The following FOXP1 variants were observed in gnomAD, a reference collection of about 807,000 sequenced individuals.
FOXP1 encodes forkhead box protein P1.
A neutral mutation model predicts 98.2 loss-of-function variants in FOXP1; 15 were observed. That is an observed-to-expected ratio of 0.15 (90% CI 0.10 to 0.24). The LOEUF (loss-of-function observed/expected upper bound fraction) is 0.24, where lower values mean the gene tolerates loss of function less well. FOXP1 is among the 10% of genes least tolerant of loss of function. The pLI is 1.00. For synonymous variants in FOXP1, 371 were observed against 314.5 expected (o/e 1.18, Z -1.90); for missense variants, 633 against 848.5 (o/e 0.75, Z 3.15).
chr3:71,542,708 C>T (rs142035333), intron 2 of FOXP1, among the ~76,000 whole-genome samples: 3 of 152,264 alleles, frequency 2.0e-5, no homozygotes, highest in East Asian at 3.9e-4. Context: ...GGCAGGCAGG[C>T]GCAGGCTGGG....
Position 71,528,590 on chromosome 3 carries a change from T to C in FOXP1, c.-297-35035A>G, listed in dbSNP as rs540021714. On this transcript the variant is annotated intron_variant, in intron 2 of 20. Transcript: ENST00000649528. ...ATGGAACACAGAGGTCACAGATCAA[T>C]TTGAAGTTAGTGATGCGGAGTCATT... is the stretch of plus-strand genomic sequence containing the variant. Among the ~76,000 whole-genome samples, 354 of 152,362 alleles carry C rather than the reference T, an allele frequency of 2.3e-3. 2 individuals carry two copies. The highest frequency in any genetic ancestry group is 3.7e-3 in the Admixed American group (56 of 15,308).
intron 2 of FOXP1, among the ~76,000 whole-genome samples, chr3:71,525,601 A>G (rs1199567874): frequency 6.6e-6 from 1 of 152,216 alleles, no homozygotes; most frequent in Non-Finnish European, 1.5e-5. Context: ...GTGAAACCAC[A>G]GGGAGAATAA....
At chr3:71,433,458 G>A (rs1327048027) in intron 3 of FOXP1, among the ~76,000 whole-genome samples, 1 of 152,158 alleles carries the variant, frequency 6.6e-6, no homozygotes, top group Admixed American at 6.5e-5. Context: ...TCAACCATGA[G>A]AAATAAAAAC....
intron 7 of FOXP1, among the ~76,000 whole-genome samples, chr3:71,098,384 G>C (rs991809491): frequency 6.6e-6 from 1 of 152,164 alleles, no homozygotes; most frequent in Non-Finnish European, 1.5e-5. Context: ...TACAAAGGCA[G>C]GCACAGGGCA....
chr3:71,135,894 T>C (rs952648412), intron 6 of FOXP1, among the ~76,000 whole-genome samples: 2 of 152,210 alleles, frequency 1.3e-5, no homozygotes, highest in Non-Finnish European at 2.9e-5. Context: ...GCATCGACTA[T>C]GCCTTCTTTA....
At chr3:71,015,804 A>G in intron 11 of FOXP1, 151 bp from the exon 12 acceptor site, 2 of 614,290 alleles carry the variant, frequency 3.3e-6, no homozygotes, top group Non-Finnish European at 6.0e-6. Context: ...TTGACTAATT[A>G]ATTCTGCATT....
chr3:71,294,533 AC>A (rs1371376373), intron 5 of FOXP1, among the ~76,000 whole-genome samples: 2 of 152,148 alleles, frequency 1.3e-5, no homozygotes, highest in African/African-American at 4.8e-5. Context: ...TCCTTCTTAC[AC>A]GGTGCTATAA....
At chr3:71,405,737 TA>T (rs201247543) in intron 3 of FOXP1, among the ~76,000 whole-genome samples, 6 of 152,088 alleles carry the variant, frequency 3.9e-5, no homozygotes, top group South Asian at 2.1e-4. Flanking sequence ...TTTATTTATT[TA>T]TTTTTTTGAG....
At chr3:71,438,474 C>A (rs2085582760) in intron 3 of FOXP1, among the ~76,000 whole-genome samples, 1 of 152,160 alleles carries the variant, frequency 6.6e-6, no homozygotes, top group Non-Finnish European at 1.5e-5. Flanking sequence ...ATCCTCCTGG[C>A]CATCAGCAGA....
intron 2 of FOXP1, among the ~76,000 whole-genome samples, chr3:71,512,248 G>C (rs964348475): frequency 6.6e-6 from 1 of 152,150 alleles, no homozygotes; most frequent in Non-Finnish European, 1.5e-5. Flanking sequence ...GCCTGGCGAA[G>C]GGTAGGGTAA....
At chr3:71,252,670 T>C (rs2068295452) in intron 5 of FOXP1, among the ~76,000 whole-genome samples, 1 of 152,174 alleles carries the variant, frequency 6.6e-6, no homozygotes, top group Admixed American at 6.5e-5. Context: ...ACTTGACAGG[T>C]ACTATGATTT....
intron 2 of FOXP1, chr3:71,541,864 T>C: frequency 4.6e-6 from 2 of 434,912 alleles, no homozygotes; most frequent in Non-Finnish European, 9.2e-6. Context: ...TTCTAGATTA[T>C]TTATTCAGAC....
chr3:71,430,517 A>C (rs1246394525), intron 3 of FOXP1, among the ~76,000 whole-genome samples: 1 of 152,120 alleles, frequency 6.6e-6, no homozygotes, highest in African/African-American at 2.4e-5. Flanking sequence ...AGAAAGAAAA[A>C]AAAAAAACAG....
intron 6 of FOXP1, among the ~76,000 whole-genome samples, chr3:71,147,147 A>G (rs2060350138): frequency 6.6e-6 from 1 of 152,196 alleles, no homozygotes; most frequent in South Asian, 2.1e-4. Flanking sequence ...CTGGGTCTGC[A>G]CCAAGTAGGC....
At chr3:71,544,988 T>C (rs2045242358) in intron 2 of FOXP1, among the ~76,000 whole-genome samples, 1 of 152,202 alleles carries the variant, frequency 6.6e-6, no homozygotes, top group Non-Finnish European at 1.5e-5. Context: ...CTGAATTTGC[T>C]TCTTGAAAGG....
chr3:71,204,228 T>C (rs1328189503), intron 5 of FOXP1, among the ~76,000 whole-genome samples: 1 of 152,180 alleles, frequency 6.6e-6, no homozygotes, highest in Non-Finnish European at 1.5e-5. Context: ...GACCAACCTG[T>C]CTATATTATG....
intron 2 of FOXP1, among the ~76,000 whole-genome samples, chr3:71,504,729 G>T (rs1351254821): frequency 6.6e-6 from 1 of 152,164 alleles, no homozygotes; most frequent in Non-Finnish European, 1.5e-5. Flanking sequence ...ATCAAGAAAA[G>T]TGTCACGGAG....
At chr3:71,168,434 G>A (rs1185527129) in intron 6 of FOXP1, among the ~76,000 whole-genome samples, 4 of 152,056 alleles carry the variant, frequency 2.6e-5, no homozygotes, top group Admixed American at 1.3e-4. Flanking sequence ...GTGCCTTGTC[G>A]GTTCCCTTGT....
At chr3:71,252,128 T>TTC (rs55852351) in intron 5 of FOXP1, among the ~76,000 whole-genome samples, 2 of 151,848 alleles carry the variant, frequency 1.3e-5, no homozygotes, top group Non-Finnish European at 2.9e-5. Context: ...AGAGATCTCT[T>TTC]TCTCTCTCTC....
Sources: allele counts gnomAD v4.1 joint callset (sites outside exome capture counted in the v4.1 genomes callset), GRCh38; gene constraint gnomAD v4.1.1; transcripts MANE v1.5; gene names NCBI Gene and HGNC (gene_info 2026-07-23, HGNC 2026-07-21).